Variants in OSTN observed in about 807,000 individuals in gnomAD.
OSTN encodes the protein osteocrin.
Under a neutral mutation model 12.0 loss-of-function variants are expected in OSTN, and 9 were observed. The ratio of observed to expected loss-of-function variants is 0.75; its 90% CI spans 0.45 to 1.30. The LOEUF (loss-of-function observed/expected upper bound fraction) is 1.30, where lower values mean the gene tolerates loss of function less well. Ranked by LOEUF, OSTN falls within the 50% of genes most tolerant of loss-of-function variation. The probability of loss-of-function intolerance (pLI) is 0.00; values close to 1 mark genes in which losing one functional copy is unlikely to be tolerated. For missense variants in OSTN, 148 were observed against 152.3 expected, an observed-to-expected ratio of 0.97 and a Z score of 0.15; for synonymous variants, 59 against 56.9, an observed-to-expected ratio of 1.04 and a Z score of -0.16.
chr3:191,262,781 A>G lies in OSTN; in HGVS notation c.*13-85A>G, dbSNP rs549083408. The G allele has an allele frequency of 2.6e-4, 179 of 685,924 alleles. No individual in the cohort carries two copies. In the East Asian group the frequency reaches 2.7e-3, roughly 10 times the overall value. 42.5% of individuals were successfully genotyped at this position (685,924 alleles called of 1,614,324 possible). On this transcript the variant is annotated intron_variant, in intron 4 of 4. Coordinates refer to ENST00000682035, the MANE Select transcript of OSTN (RefSeq NM_198184.2). ...GAAACAGCATGTAATTAAAGACTTA[A>G]CTCTTCTCAAGTGAAGTTGATGGAC...
chr3:191,210,755 T>C (rs1399791699), intron 1 of OSTN, among the ~76,000 whole-genome samples: 3 of 152,212 alleles, frequency 2.0e-5, no homozygotes, highest in African/African-American at 7.2e-5. Flanking sequence ...AGACTTGTCA[T>C]TCATAAAGGA....
At chr3:191,212,990 C>T (rs1490163848) in intron 2 of OSTN, among the ~76,000 whole-genome samples, 1 of 150,234 alleles carries the variant, frequency 6.7e-6, no homozygotes, top group South Asian at 2.1e-4. Flanking sequence ...CCTGCCTCAG[C>T]CTCCCAAGTA....
chr3:191,257,553 A>G (rs1238107309), intron 4 of OSTN, among the ~76,000 whole-genome samples: 2 of 152,134 alleles, frequency 1.3e-5, no homozygotes, highest in East Asian at 1.9e-4. Flanking sequence ...ACCAGGTGTT[A>G]TCCCCCACCC....
chr3:191,246,786 G>T (rs765825835), intron 3 of OSTN, among the ~76,000 whole-genome samples: 10 of 151,140 alleles, frequency 6.6e-5, no homozygotes, highest in Non-Finnish European at 1.3e-4. Flanking sequence ...AGAACTAGAG[G>T]CCACAGCATT....
chr3:191,225,740 T>A (rs1413693952), intron 3 of OSTN, among the ~76,000 whole-genome samples: 1 of 151,996 alleles, frequency 6.6e-6, no homozygotes, highest in Non-Finnish European at 1.5e-5. Context: ...AATCAAATAC[T>A]AGATGTTCTC....
intron 1 of OSTN, among the ~76,000 whole-genome samples, chr3:191,206,440 C>T (rs1714276714): frequency 6.6e-6 from 1 of 152,088 alleles, no homozygotes; most frequent in Non-Finnish European, 1.5e-5. Flanking sequence ...TTTAAAAATA[C>T]TGAAAGTGAA....
At chr3:191,260,299 T>C (rs1715778285) in intron 4 of OSTN, among the ~76,000 whole-genome samples, 1 of 149,522 alleles carries the variant, frequency 6.7e-6, no homozygotes, top group Non-Finnish European at 1.5e-5. Flanking sequence ...CTTATTCCAG[T>C]AACAACTCAA....
At chr3:191,219,213 T>C (rs1211359717) in intron 3 of OSTN, among the ~76,000 whole-genome samples, 5 of 152,220 alleles carry the variant, frequency 3.3e-5, no homozygotes, top group Non-Finnish European at 7.3e-5. Context: ...TATGCAGATA[T>C]AAAGCAGTTA....
chr3:191,208,015 T>C (rs970920554), intron 1 of OSTN, among the ~76,000 whole-genome samples: 5 of 152,152 alleles, frequency 3.3e-5, no homozygotes, highest in African/African-American at 1.2e-4. Flanking sequence ...ATAGTCCAAT[T>C]GTCTAAAAAA....
chr3:191,259,665 T>C (rs1472666739), intron 4 of OSTN, among the ~76,000 whole-genome samples: 1 of 151,880 alleles, frequency 6.6e-6, no homozygotes, highest in East Asian at 1.9e-4. Flanking sequence ...TGACTGGGTA[T>C]CAAAGCCAGG....
chr3:191,257,042 C>T (rs569287901), intron 4 of OSTN, among the ~76,000 whole-genome samples: 5 of 151,938 alleles, frequency 3.3e-5, no homozygotes, highest in African/African-American at 9.6e-5. Context: ...TTAAATTAGT[C>T]AAGCATTGTG....
chr3:191,201,965 G>A (rs1219592669), intron 1 of OSTN, among the ~76,000 whole-genome samples: 3 of 152,070 alleles, frequency 2.0e-5, no homozygotes, highest in African/African-American at 7.2e-5. Context: ...TTAGGTCTTT[G>A]CCCTATTTTT....
chr3:191,258,543 C>T (rs939048439), intron 4 of OSTN, among the ~76,000 whole-genome samples: 6 of 151,420 alleles, frequency 4.0e-5, no homozygotes, highest in Admixed American at 1.3e-4. Flanking sequence ...CAAATGCACG[C>T]GGGGTTTAAA....
At chr3:191,234,213 A>G (rs904603338) in intron 3 of OSTN, among the ~76,000 whole-genome samples, 3 of 152,202 alleles carry the variant, frequency 2.0e-5, no homozygotes, top group African/African-American at 7.2e-5. Flanking sequence ...TAGGGTTCCA[A>G]CAAGAAATAG....
chr3:191,204,193 A>G (rs1055895090), intron 1 of OSTN, among the ~76,000 whole-genome samples: 2 of 152,016 alleles, frequency 1.3e-5, no homozygotes, highest in Non-Finnish European at 2.9e-5. Flanking sequence ...CCCAGCTGAT[A>G]TTTTAATTTT....
intron 1 of OSTN, among the ~76,000 whole-genome samples, chr3:191,204,520 CTTCTAAGTG>C (rs1187786812): frequency 8.1e-4 from 124 of 152,232 alleles, no homozygotes; most frequent in African/African-American, 2.9e-3. Context: ...CATTTCTAAG[CTTCTAAGTG>C]ACACAGCCAC....
rs77191308 is a variant in OSTN at position 191,220,731 on chromosome 3, T to C, written c.317+1770T>C. On this transcript the variant is annotated intron_variant, in intron 3 of 4. Transcript: ENST00000682035. ...TGAGCTTTTAGAGAAGAAAATATGG[T>C]GCCTTCTAATAAATGTTATTTATTT... is the stretch of plus-strand genomic sequence containing the variant. 0.016 allele frequency among the ~76,000 whole-genome samples: 2,407 copies of C among 152,288 alleles called. 165 individuals carry two copies. The East Asian group carries it at 0.22, about 14-fold the overall frequency.
intron 1 of OSTN, among the ~76,000 whole-genome samples, chr3:191,200,747 C>T (rs1232772700): frequency 6.6e-6 from 1 of 152,078 alleles, no homozygotes; most frequent in African/African-American, 2.4e-5. Flanking sequence ...AGAATAAAAC[C>T]TCAGTATCAC....
intron 2 of OSTN, among the ~76,000 whole-genome samples, chr3:191,215,724 G>T (rs1374095337): frequency 2.0e-5 from 3 of 152,206 alleles, no homozygotes; most frequent in Non-Finnish European, 4.4e-5. Context: ...TCACATCCAG[G>T]TCATGCTGAT....
Sources: gnomAD v4.1 joint callset for allele counts (sites outside exome capture counted in the v4.1 genomes callset) on GRCh38, gnomAD v4.1.1 for gene constraint, MANE v1.5 for transcripts, NCBI Gene and HGNC (gene_info 2026-07-23, HGNC 2026-07-21) for gene names.